KIF25: variants seen among roughly 807,000 people sequenced by gnomAD.
The protein encoded by KIF25 is kinesin-like protein KIF25.
A neutral mutation model predicts 32.9 loss-of-function variants in KIF25; 19 were observed. The observed-to-expected ratio is 0.58, with a 90% CI of 0.40 to 0.85. The LOEUF is 0.85. Ranked by LOEUF, KIF25 falls within the 40% of genes least tolerant of loss-of-function variation. The pLI, the probability that KIF25 is intolerant of heterozygous loss-of-function variation, is 0.00. For missense variants in KIF25, 485 were observed against 507.0 expected (o/e 0.96, Z 0.42); for synonymous variants, 225 against 213.7 (o/e 1.05, Z -0.46).
chr6:168,042,647 T>C lies in KIF25; in HGVS notation c.916T>C (p.Leu306=). Residue 306 remains leucine, a synonymous_variant, in exon 12 of 13, where the codon TTG becomes CTG. Transcript: ENST00000643607. ...LAALAGVLGA[L]LEHRGHAPYR... is the part of the protein sequence containing the mutation. ...GGCCCTGGCAGGCGTCCTGGGGGCT[T>C]TGTTGGAGCACCGTGGCCATGCCCC... 6.2e-7 allele frequency: 1 copy of C among 1,613,786 alleles called. No homozygotes were observed. The highest frequency in any genetic ancestry group is 1.1e-5 in the South Asian group (1 of 91,066).
intron 8 of KIF25, among the ~76,000 whole-genome samples, chr6:168,038,228 G>A (rs769617231): frequency 6.6e-6 from 1 of 152,168 alleles, no homozygotes; most frequent in Non-Finnish European, 1.5e-5. Flanking sequence ...GGTCAATGGG[G>A]CATGGTAATT....
At chr6:168,005,497 G>C (rs1360611033) in intron 4 of KIF25, among the ~76,000 whole-genome samples, 2 of 152,230 alleles carry the variant, frequency 1.3e-5, no homozygotes, top group Non-Finnish European at 2.9e-5. Flanking sequence ...GAGCTGCTCA[G>C]CTTCGACCCT....
intron 4 of KIF25, among the ~76,000 whole-genome samples, chr6:168,009,160 TA>T (rs1798615370): frequency 6.6e-6 from 1 of 152,046 alleles, no homozygotes; most frequent in Non-Finnish European, 1.5e-5. Context: ...TTCCAGTCCT[TA>T]AAGAAAAAGC....
At chr6:168,021,211 G>A (rs1483799040) in intron 5 of KIF25, among the ~76,000 whole-genome samples, 1 of 152,150 alleles carries the variant, frequency 6.6e-6, no homozygotes, top group Non-Finnish European at 1.5e-5. Context: ...TAATGGTGGG[G>A]GCTGTCCTCT....
At chr6:168,000,767 G>A (rs542194265) in intron 2 of KIF25, among the ~76,000 whole-genome samples, 28 of 152,070 alleles carry the variant, frequency 1.8e-4, no homozygotes, top group African/African-American at 5.1e-4. Flanking sequence ...GGGGTTGGCC[G>A]TATGCACCAG....
intron 4 of KIF25, among the ~76,000 whole-genome samples, chr6:168,004,075 G>A (rs925982414): frequency 3.3e-5 from 5 of 152,200 alleles, no homozygotes; most frequent in Non-Finnish European, 7.3e-5. Flanking sequence ...TCTCCTGAAA[G>A]CCTCCTTGCT....
chr6:168,008,894 T>C (rs1185389859), intron 4 of KIF25, among the ~76,000 whole-genome samples: 1 of 152,168 alleles, frequency 6.6e-6, no homozygotes, highest in Non-Finnish European at 1.5e-5. Flanking sequence ...TGCTCATATA[T>C]AGAAACAATA....
At chr6:168,036,833 G>A (rs953762787) in intron 8 of KIF25, among the ~76,000 whole-genome samples, 6 of 152,278 alleles carry the variant, frequency 3.9e-5, no homozygotes, top group African/African-American at 9.6e-5. Flanking sequence ...AGGCTTAGGC[G>A]GGTGGATCAC....
At chr6:168,033,643 C>T (rs546839062) in intron 7 of KIF25, among the ~76,000 whole-genome samples, 6 of 152,200 alleles carry the variant, frequency 3.9e-5, no homozygotes, top group Admixed American at 2.0e-4. Flanking sequence ...GATGAACCCA[C>T]GCTGTGTGTG....
intron 6 of KIF25, 86 bp from the exon 7 acceptor site, chr6:168,030,687 C>T (rs2114899405): frequency 1.1e-5 from 10 of 900,916 alleles, no homozygotes; most frequent in South Asian, 1.5e-5. Flanking sequence ...GTACACGGGG[C>T]GTTGTGTTCC....
chr6:168,002,311 C>T (rs900227536), intron 2 of KIF25, among the ~76,000 whole-genome samples: 1 of 143,484 alleles, frequency 7.0e-6, no homozygotes, highest in Non-Finnish European at 1.5e-5. Flanking sequence ...GTGAGAAAGA[C>T]ACCTGAGGCG....
At chr6:168,034,810 C>T (rs937729669) in intron 8 of KIF25, among the ~76,000 whole-genome samples, 1 of 152,134 alleles carries the variant, frequency 6.6e-6, no homozygotes, top group African/African-American at 2.4e-5. Flanking sequence ...GACCCACTGC[C>T]CGTGTCATGA....
At chr6:168,005,310 G>C (rs540483750) in intron 4 of KIF25, among the ~76,000 whole-genome samples, 7 of 152,304 alleles carry the variant, frequency 4.6e-5, no homozygotes, top group Non-Finnish European at 2.9e-5. Context: ...AAGAGCATCG[G>C]ATTTGTTGAA....
chr6:168,032,346 T>C (rs1198616712), intron 7 of KIF25, among the ~76,000 whole-genome samples: 1 of 152,248 alleles, frequency 6.6e-6, no homozygotes, highest in Admixed American at 6.5e-5. Flanking sequence ...GTTGAAAGAC[T>C]CCTGTAAGAA....
intron 4 of KIF25, among the ~76,000 whole-genome samples, chr6:168,013,184 G>C (rs1299713603): frequency 1.3e-5 from 2 of 151,850 alleles, no homozygotes; most frequent in Admixed American, 1.3e-4. Flanking sequence ...GCCTGGAGGT[G>C]TATTAGCCAC....
chr6:168,029,478 A>G lies in KIF25; in HGVS notation c.-94-14A>G, dbSNP rs1018945270. 1.3e-5 allele frequency: 20 copies of G among 1,508,530 alleles called. No homozygotes were observed. The highest frequency in any genetic ancestry group is 1.7e-5 in the Non-Finnish European group (19 of 1,126,986). The allele number at this position is 1,508,530 out of a possible 1,614,324, so 93.4% of individuals were successfully genotyped here. On this transcript the variant is annotated splice_polypyrimidine_tract_variant and intron_variant, in intron 5 of 12. Transcript: ENST00000643607. The stretch of plus-strand genomic sequence containing the variant: ...GGTAATACTGTTACGTTTTCAAGTC[A>G]TGATCCTTTACAGATATACTGGCCT...
At chr6:168,033,396 A>C (rs572786050) in intron 7 of KIF25, among the ~76,000 whole-genome samples, 2 of 151,772 alleles carry the variant, frequency 1.3e-5, no homozygotes, top group South Asian at 4.2e-4. Context: ...GCTACTTGGG[A>C]GGCTTAGGCA....
intron 4 of KIF25, among the ~76,000 whole-genome samples, chr6:168,012,718 G>C (rs146186502): frequency 6.6e-6 from 1 of 152,214 alleles, no homozygotes; most frequent in Non-Finnish European, 1.5e-5. Context: ...AGCTCGTCTG[G>C]GGTGTGTCTG....
chr6:168,005,999 T>G (rs557836457), intron 4 of KIF25, among the ~76,000 whole-genome samples: 2 of 152,280 alleles, frequency 1.3e-5, no homozygotes, highest in East Asian at 3.9e-4. Flanking sequence ...CAAGGGCGGC[T>G]CTCATGGGAG....
Sources: allele counts gnomAD v4.1 joint callset (sites outside exome capture counted in the v4.1 genomes callset), GRCh38; gene constraint gnomAD v4.1.1; transcripts MANE v1.5; gene names NCBI Gene and HGNC (gene_info 2026-07-23, HGNC 2026-07-21).